COL5A2: variants seen among roughly 807,000 people sequenced by gnomAD.
COL5A2 encodes the protein collagen type V alpha 2 chain.
Under a neutral mutation model 208.2 loss-of-function variants are expected in COL5A2, and 23 were observed. That is an observed-to-expected ratio of 0.11 (90% CI 0.08 to 0.16). The LOEUF (loss-of-function observed/expected upper bound fraction) is 0.16. Among genes scored for constraint, COL5A2 ranks in the 10% least tolerant of loss-of-function variants. COL5A2 has a pLI of 1.00. For synonymous variants in COL5A2, 625 were observed against 628.5 expected (o/e 0.99, Z 0.08); for missense variants, 1,590 against 1,956.4 (o/e 0.81, Z 3.53).
chr2:189,417,291 A>C, the COL5A2 span, among the ~76,000 whole-genome samples: 2 of 152,146 alleles, frequency 1.3e-5, no homozygotes, highest in African/African-American at 4.8e-5. Context: ...TTTCTTACAG[A>C]ATTGATCTAC....
At chr2:189,286,660 G>A in the COL5A2 span, among the ~76,000 whole-genome samples, 1 of 152,150 alleles carries the variant, frequency 6.6e-6, no homozygotes, top group African/African-American at 2.4e-5. Flanking sequence ...ATGGTTTTAA[G>A]AGACTTTATG....
At chr2:189,092,507 G>A (rs190476497) in intron 6 of COL5A2, 87 bp from the exon 7 acceptor site, 265 of 809,764 alleles carry the variant, frequency 3.3e-4, no homozygotes, top group Non-Finnish European at 4.4e-4. Context: ...TAATGGCAAG[G>A]GAGTGTTTAT....
chr2:189,296,322 G>C, the COL5A2 span, among the ~76,000 whole-genome samples: 4 of 151,706 alleles, frequency 2.6e-5, no homozygotes, highest in African/African-American at 7.3e-5. Flanking sequence ...CTCAAATTCC[G>C]TATCTCTTCA....
At chr2:189,093,324 T>A (rs55947958) in intron 6 of COL5A2, among the ~76,000 whole-genome samples, 20,201 of 152,220 alleles carry the variant, frequency 0.13, 1,371 homozygotes, top group Middle Eastern at 0.19. Context: ...GGCAATATGC[T>A]TTTTATAATT....
chr2:189,320,501 G>A, the COL5A2 span, among the ~76,000 whole-genome samples: 1 of 152,170 alleles, frequency 6.6e-6, no homozygotes, highest in African/African-American at 2.4e-5. Flanking sequence ...ACCATGGCAC[G>A]AGAACTACGT....
intron 1 of COL5A2, among the ~76,000 whole-genome samples, chr2:189,217,786 T>C (rs766755838): frequency 6.6e-6 from 1 of 152,162 alleles, no homozygotes; most frequent in Non-Finnish European, 1.5e-5. Flanking sequence ...CCTAGCCTTT[T>C]CCTGAGTAGC....
the COL5A2 span, among the ~76,000 whole-genome samples, chr2:189,318,208 C>T: frequency 6.6e-6 from 1 of 152,162 alleles, no homozygotes; most frequent in Admixed American, 6.5e-5. Flanking sequence ...TCTTTCAACT[C>T]ACTGCAATAT....
At chr2:189,074,810 T>C (rs941570393) in intron 17 of COL5A2, among the ~76,000 whole-genome samples, 3 of 152,214 alleles carry the variant, frequency 2.0e-5, no homozygotes, top group African/African-American at 7.2e-5. Context: ...TTCACATCTT[T>C]GTAATTTCTT....
At chr2:189,235,174 T>G in the COL5A2 span, among the ~76,000 whole-genome samples, 1 of 151,672 alleles carries the variant, frequency 6.6e-6, no homozygotes, top group Non-Finnish European at 1.5e-5. Flanking sequence ...TCTGCTATAC[T>G]GGAGAGGGCA....
intron 44 of COL5A2, 63 bp from the exon 45 acceptor site, chr2:189,048,325 T>C (rs545042176): frequency 2.6e-4 from 389 of 1,483,778 alleles, no homozygotes; most frequent in Non-Finnish European, 3.6e-4. Context: ...CTCATTCCAA[T>C]TGTCAAAAAA....
intron 1 of COL5A2, among the ~76,000 whole-genome samples, chr2:189,131,444 T>C (rs1468353622): frequency 6.6e-6 from 1 of 152,182 alleles, no homozygotes; most frequent in African/African-American, 2.4e-5. Context: ...AAATTTAACA[T>C]TTGTTTAATT....
intron 1 of COL5A2, among the ~76,000 whole-genome samples, chr2:189,139,558 G>A (rs1457008537): frequency 1.3e-5 from 2 of 152,106 alleles, no homozygotes; most frequent in African/African-American, 4.8e-5. Flanking sequence ...GATCCTGTGA[G>A]GGATCCTGGA....
intron 1 of COL5A2, among the ~76,000 whole-genome samples, chr2:189,195,897 C>A (rs1002958583): frequency 6.6e-6 from 1 of 152,118 alleles, no homozygotes; most frequent in Non-Finnish European, 1.5e-5. Flanking sequence ...TAGGCATGGG[C>A]AAAGACTTTA....
chr2:189,065,627 A>C (rs1686131842), intron 23 of COL5A2, among the ~76,000 whole-genome samples: 1 of 152,242 alleles, frequency 6.6e-6, no homozygotes, highest in Non-Finnish European at 1.5e-5. Flanking sequence ...GATGAGAGGC[A>C]TAGGTACCAT....
At chr2:189,244,961 GGC>G in the COL5A2 span, among the ~76,000 whole-genome samples, 2 of 152,290 alleles carry the variant, frequency 1.3e-5, no homozygotes, top group African/African-American at 4.8e-5. Context: ...TTAGATGGAT[GGC>G]AGCAGGCAAA....
At chr2:189,201,259 C>T (rs1210754504) in intron 1 of COL5A2, among the ~76,000 whole-genome samples, 1 of 151,816 alleles carries the variant, frequency 6.6e-6, no homozygotes, top group African/African-American at 2.4e-5. Flanking sequence ...AATGCATATC[C>T]TAAAGCCTAG....
chr2:189,417,650 T>C, the COL5A2 span, among the ~76,000 whole-genome samples: 1 of 151,536 alleles, frequency 6.6e-6, no homozygotes, highest in African/African-American at 2.4e-5. Context: ...TATTTCTATA[T>C]CAACTTTTTT....
At chr2:189,273,704 C>T in the COL5A2 span, among the ~76,000 whole-genome samples, 1 of 152,032 alleles carries the variant, frequency 6.6e-6, no homozygotes, top group South Asian at 2.1e-4. Flanking sequence ...TCATTTGCAA[C>T]AATACAGATG....
At chr2:189,117,265 T>C (rs1382913635) in intron 1 of COL5A2, among the ~76,000 whole-genome samples, 1 of 152,142 alleles carries the variant, frequency 6.6e-6, no homozygotes, top group African/African-American at 2.4e-5. Context: ...ACATAGATTT[T>C]TTTTCCCACA....
Sources: allele counts gnomAD v4.1 joint callset (sites outside exome capture counted in the v4.1 genomes callset), GRCh38; gene constraint gnomAD v4.1.1; transcripts MANE v1.5; gene names NCBI Gene and HGNC (gene_info 2026-07-23, HGNC 2026-07-21).